Variants in ESF1 observed in about 807,000 individuals in gnomAD.
ESF1 encodes ESF1 homolog.
A neutral mutation model predicts 92.0 loss-of-function variants in ESF1; 58 were observed. That is an observed-to-expected ratio of 0.63 (90% CI 0.51 to 0.78). The LOEUF (loss-of-function observed/expected upper bound fraction) is 0.78, where lower values mean the gene tolerates loss of function less well. Ranked by LOEUF, ESF1 falls within the 30% of genes least tolerant of loss-of-function variation. The pLI is 0.00. For missense variants in ESF1, 922 were observed against 989.1 expected, an observed-to-expected ratio of 0.93 and a Z score of 0.91; for synonymous variants, 321 against 313.7, an observed-to-expected ratio of 1.02 and a Z score of -0.24.
At chr20:13,727,201 T>C (rs1046211430) in intron 11 of ESF1, among the ~76,000 whole-genome samples, 13 of 152,356 alleles carry the variant, frequency 8.5e-5, no homozygotes, top group Middle Eastern at 3.4e-3. Flanking sequence ...CATTATAAAG[T>C]TGGTTTCCTG....
At chr20:13,758,070 CAG>C (rs4052985) in intron 9 of ESF1, among the ~76,000 whole-genome samples, 92,614 of 151,280 alleles carry the variant, frequency 0.61, 28,671 homozygotes, top group East Asian at 0.89. Flanking sequence ...TTTACTGACA[CAG>C]AGAGCTCAAC....
intron 9 of ESF1, among the ~76,000 whole-genome samples, chr20:13,751,811 A>T (rs1209379996): frequency 6.6e-6 from 1 of 152,112 alleles, no homozygotes; most frequent in Non-Finnish European, 1.5e-5. Flanking sequence ...GCCAGCCAAC[A>T]TGGTGAAACC....
chr20:13,774,257 T>C (rs1600294092), intron 4 of ESF1, among the ~76,000 whole-genome samples: 2 of 131,518 alleles, frequency 1.5e-5, no homozygotes, highest in East Asian at 2.3e-4. Flanking sequence ...ATAATACAGG[T>C]TGAGCATCCC....
chr20:13,730,078 C>CT (rs201854470), intron 10 of ESF1, among the ~76,000 whole-genome samples: 5,186 of 148,044 alleles, frequency 0.035, 110 homozygotes, highest in African/African-American at 0.064. Flanking sequence ...GTGCTTCTGG[C>CT]TTTTTTTTTT....
At chr20:13,721,955 C>T (rs2049870911) in intron 11 of ESF1, among the ~76,000 whole-genome samples, 1 of 152,136 alleles carries the variant, frequency 6.6e-6, no homozygotes, top group South Asian at 2.1e-4. Flanking sequence ...CAAGGTTCCA[C>T]TTGCTTAGGG....
chr20:13,732,705 T>G (rs2049951368), intron 10 of ESF1, among the ~76,000 whole-genome samples: 1 of 152,110 alleles, frequency 6.6e-6, no homozygotes, highest in African/African-American at 2.4e-5. Flanking sequence ...ATTTTGTCAT[T>G]ATCAGTAATA....
intron 13 of ESF1, 26 bp from the exon 14 acceptor site, chr20:13,715,193 TAATA>T: frequency 7.0e-7 from 1 of 1,434,126 alleles, no homozygotes; most frequent in Non-Finnish European, 9.3e-7. Context: ...AAAAAAAAAT[TAATA>T]AATTAATTAA....
chr20:13,748,070 T>C (rs945421023), intron 9 of ESF1, among the ~76,000 whole-genome samples: 1 of 152,206 alleles, frequency 6.6e-6, no homozygotes, highest in African/African-American at 2.4e-5. Flanking sequence ...CTATAACTCT[T>C]ATGGGACCAC....
intron 11 of ESF1, among the ~76,000 whole-genome samples, chr20:13,726,608 C>T (rs2049902360): frequency 6.6e-6 from 1 of 152,138 alleles, no homozygotes; most frequent in Non-Finnish European, 1.5e-5. Context: ...TTTACCATAC[C>T]CTCATACTAT....
intron 4 of ESF1, among the ~76,000 whole-genome samples, chr20:13,773,392 T>C (rs1178073728): frequency 6.6e-6 from 1 of 152,232 alleles, no homozygotes; most frequent in Non-Finnish European, 1.5e-5. Flanking sequence ...ATCTTTTGAT[T>C]CTTTTTTTTC....
rs1162953429 is a variant in ESF1 at position 13,782,567 on chromosome 20, T to A, written c.574A>T (p.Thr192Ser). The stretch of plus-strand genomic sequence containing the variant: ...CTGGGAGATTTCACAATTTCAGAGG[T>A]GCCTGAGTCTAATGTCCTTTGTTTT... ...EEKQRTLDSG[T>S]SEIVKSPRIE... Residue 192 changes from threonine to serine, a missense_variant, in exon 2 of 14, where the codon ACC becomes TCC. By Grantham distance (58) the Thr-to-Ser change is moderately conservative. Coordinates refer to ENST00000617257, the MANE Select transcript of ESF1 (RefSeq NM_001276380.2). 1.9e-6 allele frequency: 3 copies of A among 1,578,354 alleles called. No homozygotes were observed. Among genetic ancestry groups the A allele is most frequent in the South Asian group, 2.4e-5 (2 of 82,186 alleles).
Position 13,733,739 on chromosome 20 carries a change from T to C in ESF1, c.1932A>G (p.Arg644=), listed in dbSNP as rs1240141657. 6.2e-7 allele frequency: 1 copy of C among 1,611,878 alleles called. No individual in the cohort carries two copies. Among genetic ancestry groups the C allele is most frequent in the South Asian group, 1.1e-5 (1 of 90,748 alleles). ...ATGATACCTTCTGTTTCCTTTTCAG[T>C]CTTTTTTTCTCTTTCTTCTTCTCTA... ...QFLEKKKEKK[R]LKRKQKALAE... is the part of the protein sequence containing the mutation. The change falls in exon 10 of 14, where the codon AGA becomes AGG. Residue 644 remains arginine (R), a synonymous_variant. Transcript: ENST00000617257.
At position 13,736,869 on chromosome 20, in the gene ESF1, C is replaced by G. The variant is rs78840625; in HGVS notation, c.1829-3027G>C. On this transcript the variant is annotated intron_variant, in intron 9 of 13. Coordinates refer to ENST00000617257, the MANE Select transcript of ESF1 (RefSeq NM_001276380.2). ...CAGTCTGTAATTTTTTTTTGCCTGG[C>G]TCTCACTTAATACACCCAAATAGCA... Among the ~76,000 whole-genome samples the G allele has an allele frequency of 7.4e-3, 1,122 of 151,762 alleles. 7 individuals carry two copies. Among genetic ancestry groups the G allele is most frequent in the South Asian group, 0.022 (105 of 4,808 alleles).
At chr20:13,761,814 G>A (rs1405721061) in intron 8 of ESF1, among the ~76,000 whole-genome samples, 1 of 152,156 alleles carries the variant, frequency 6.6e-6, no homozygotes, top group African/African-American at 2.4e-5. Context: ...ACACCAAAAA[G>A]TTTGTTCTAC....
intron 9 of ESF1, among the ~76,000 whole-genome samples, chr20:13,753,207 G>A (rs1007382237): frequency 2.6e-5 from 4 of 151,660 alleles, no homozygotes; most frequent in Admixed American, 6.6e-5. Flanking sequence ...GACTAAAGCC[G>A]TTCTACTCAC....
At chr20:13,757,245 T>C (rs1978938623) in intron 9 of ESF1, among the ~76,000 whole-genome samples, 2 of 152,140 alleles carry the variant, frequency 1.3e-5, no homozygotes, top group Admixed American at 1.3e-4. Context: ...TTTAATAAAA[T>C]ATTACTAAAT....
rs1980248325 is a variant in ESF1 at position 13,782,619 on chromosome 20, T to C, written c.522A>G (p.Gln174=). The change falls in exon 2 of 14, where the codon CAA becomes CAG. Residue 174 remains glutamine, a synonymous_variant. Transcript: ENST00000617257. ...CTTCGAGAGAAGAGTCTGTAGTATG[T>C]TGAACAATGTTTTTTTTCTCTTTCT... ...KNKKEKKNIV[Q]HTTDSSLEEK... 3.1e-6 allele frequency: 5 copies of C among 1,607,750 alleles called. No homozygotes were observed. Among genetic ancestry groups the C allele is most frequent in the Non-Finnish European group, 4.2e-6 (5 of 1,178,652 alleles).
chr20:13,760,855 C>T (rs903078957), intron 8 of ESF1, among the ~76,000 whole-genome samples: 3 of 152,222 alleles, frequency 2.0e-5, no homozygotes, highest in Non-Finnish European at 2.9e-5. Context: ...CCCTCTTCCC[C>T]GGCCACCACC....
At chr20:13,744,279 G>A (rs1366805900) in intron 9 of ESF1, among the ~76,000 whole-genome samples, 1 of 152,144 alleles carries the variant, frequency 6.6e-6, no homozygotes, top group Non-Finnish European at 1.5e-5. Context: ...AAACCAGGAA[G>A]AGACACCTGT....
Sources: gnomAD v4.1 joint callset for allele counts (sites outside exome capture counted in the v4.1 genomes callset) on GRCh38, gnomAD v4.1.1 for gene constraint, MANE v1.5 for transcripts, NCBI Gene and HGNC (gene_info 2026-07-23, HGNC 2026-07-21) for gene names.